The following ZNF354B variants were observed in gnomAD, a reference collection of about 807,000 sequenced individuals.
ZNF354B encodes zinc finger protein 354B.
Under a neutral mutation model 12.9 loss-of-function variants are expected in ZNF354B, and 10 were observed. The ratio of observed to expected loss-of-function variants is 0.77; its 90% CI spans 0.48 to 1.31. ZNF354B has a LOEUF of 1.31. Among genes scored for constraint, ZNF354B ranks in the 40% most tolerant of loss-of-function variants. The probability of loss-of-function intolerance (pLI) is 0.00; values close to 1 mark genes in which losing one functional copy is unlikely to be tolerated. For synonymous variants in ZNF354B, 260 were observed against 243.7 expected, an observed-to-expected ratio of 1.07 and a Z score of -0.62; for missense variants, 614 against 711.7, an observed-to-expected ratio of 0.86 and a Z score of 1.56.
At position 178,861,277 on chromosome 5, in the gene ZNF354B, AGTTT is replaced by A. The variant is rs201080241; in HGVS notation, c.33+201_33+204del. Among the ~76,000 whole-genome samples, 968 of 150,796 alleles carry A rather than the reference AGTTT, an allele frequency of 6.4e-3. 12 individuals are homozygous for A. Among genetic ancestry groups the A allele is most frequent in the African/African-American group, 0.023 (932 of 40,984 alleles). On this transcript the variant is annotated intron_variant, in intron 2 of 4. Coordinates refer to ENST00000322434, the MANE Select transcript of ZNF354B (RefSeq NM_058230.3). ...CCGTGTCTAGTGGTTTTTAATTAACAGTTTGTTCACGAATCTTCATCCATTGTGT... is the reference window on the plus strand; with the variant it reads ...CCGTGTCTAGTGGTTTTTAATTAACAGTTCACGAATCTTCATCCATTGTGT...
intron 4 of ZNF354B, among the ~76,000 whole-genome samples, chr5:178,875,935 A>G (rs1757630754): frequency 6.6e-6 from 1 of 151,798 alleles, no homozygotes; most frequent in Admixed American, 6.6e-5. Context: ...CAGGGGAGGG[A>G]CGGCTGTTCT....
At chr5:178,863,628 C>G (rs934056933) in intron 2 of ZNF354B, among the ~76,000 whole-genome samples, 1 of 152,304 alleles carries the variant, frequency 6.6e-6, no homozygotes, top group Non-Finnish European at 1.5e-5. Flanking sequence ...TTTACAGTGT[C>G]TTCCTTTTGC....
At chr5:178,867,406 G>C (rs2114011483) in intron 4 of ZNF354B, among the ~76,000 whole-genome samples, 1 of 152,328 alleles carries the variant, frequency 6.6e-6, no homozygotes, top group East Asian at 1.9e-4. Context: ...GGTGAGGAAG[G>C]AAATAGCCTA....
chr5:178,866,389 T>C lies in ZNF354B; in HGVS notation c.160+19T>C, dbSNP rs1428365454. 1.9e-6 allele frequency: 3 copies of C among 1,600,346 alleles called. No homozygotes were observed. Among genetic ancestry groups the C allele is most frequent in the Non-Finnish European group, 2.6e-6 (3 of 1,173,548 alleles). On this transcript the variant is annotated intron_variant, in intron 3 of 4. Coordinates refer to ENST00000322434, the MANE Select transcript of ZNF354B (RefSeq NM_058230.3). The stretch of plus-strand genomic sequence containing the variant: ...TCACTGGGTAAGGAAATTTCCCCTC[T>C]AGAAACAGAATTCAAAAATTGGGAT...
Position 178,866,232 on chromosome 5 carries a change from T to C in ZNF354B, c.34-12T>C. The C allele has an allele frequency of 6.2e-7, 1 of 1,613,810 alleles. No homozygotes were observed. Among genetic ancestry groups the C allele is most frequent in the Non-Finnish European group, 8.5e-7 (1 of 1,179,846 alleles). On this transcript the variant is annotated splice_polypyrimidine_tract_variant and intron_variant, in intron 2 of 4. Coordinates refer to ENST00000322434, the MANE Select transcript of ZNF354B (RefSeq NM_058230.3). ...GTGGTCCTGGGTGAGCTGGAACGAC[T>C]TGTCCTTACAGGTGTCACTGACATT...
chr5:178,884,540 A>G lies in ZNF354B; in HGVS notation c.*249A>G, dbSNP rs572833440. 5 of 358,078 alleles carry G rather than the reference A, an allele frequency of 1.4e-5. No homozygotes were observed. The highest frequency in any genetic ancestry group is 8.4e-5 in the African/African-American group (4 of 47,734). The allele number at this position is 358,078 out of a possible 1,614,324, so 22.2% of individuals were successfully genotyped here. ...AAAGGTATGTTTATAAAATCTCTTT[A>G]TATAATATATGCTATCTATGACATG... On this transcript the variant is annotated 3_prime_UTR_variant, in exon 5 of 5. Coordinates refer to ENST00000322434, the MANE Select transcript of ZNF354B (RefSeq NM_058230.3).
chr5:178,862,627 C>G (rs918929712), intron 2 of ZNF354B, among the ~76,000 whole-genome samples: 1 of 152,200 alleles, frequency 6.6e-6, no homozygotes, highest in Non-Finnish European at 1.5e-5. Context: ...CACAGCCTCC[C>G]GGAGTGCTGG....
chr5:178,867,397 G>A (rs1757479547), intron 4 of ZNF354B, among the ~76,000 whole-genome samples: 1 of 152,244 alleles, frequency 6.6e-6, no homozygotes, highest in Non-Finnish European at 1.5e-5. Context: ...AAAGGAGGAG[G>A]TGAGGAAGGA....
In ZNF354B at chr5:178,882,809, CA is replaced by C; in HGVS notation, c.358del (p.Ile120TyrfsTer12). 6.2e-7 allele frequency: 1 copy of C among 1,604,148 alleles called. No homozygotes were observed. The highest frequency in any genetic ancestry group is 1.7e-5 in the Admixed American group (1 of 57,428). On this transcript the variant is annotated frameshift_variant, in exon 5 of 5. Coordinates refer to ENST00000322434, the MANE Select transcript of ZNF354B (RefSeq NM_058230.3). LOFTEE classifies it low-confidence loss of function (END_TRUNC). ...RLKRDEPWNF[I>X]SERSCIYEEK... Reference sequence around the variant, plus strand: ...TGAAAAGGGATGAACCCTGGAACTTCATATCAGAAAGATCCTGCATATATGA... The same window carrying C: ...TGAAAAGGGATGAACCCTGGAACTTCTATCAGAAAGATCCTGCATATATGA...
In ZNF354B at chr5:178,883,657, G is replaced by A. The variant is rs773975037; in HGVS notation, c.1205G>A (p.Arg402Lys). The A allele has an allele frequency of 6.5e-5, 105 of 1,613,912 alleles. No individual in the cohort carries two copies. Among genetic ancestry groups the A allele is most frequent in the Non-Finnish European group, 8.4e-5 (99 of 1,179,952 alleles). The change falls in exon 5 of 5, where the codon AGA becomes AAA. Residue 402 changes from arginine (R) to lysine (K), a missense_variant. Transcript: ENST00000322434. Reference protein sequence around the residue: ...SQSASLIQHERIHTGEKPYRC... With the variant: ...SQSASLIQHEKIHTGEKPYRC... ...AGTGCCTCTCTTATTCAACATGAAA[G>A]AATTCACACCGGAGAAAAGCCCTAT...
At chr5:178,866,906 T>C (rs1430400854) in intron 3 of ZNF354B, 70 bp from the exon 4 acceptor site, 2 of 1,468,278 alleles carry the variant, frequency 1.4e-6, no homozygotes, top group African/African-American at 2.8e-5. Context: ...GTTACCCTAA[T>C]AATCAAGGGA....
chr5:178,870,845 A>G (rs1307039184), intron 4 of ZNF354B, among the ~76,000 whole-genome samples: 1 of 151,852 alleles, frequency 6.6e-6, no homozygotes, highest in Non-Finnish European at 1.5e-5. Flanking sequence ...TTTTGTAGAG[A>G]TGGAGGTCTT....
chr5:178,884,025 T>C lies in ZNF354B; in HGVS notation c.1573T>C (p.Leu525=). 6.2e-7 allele frequency: 1 copy of C among 1,613,392 alleles called. No homozygotes were observed. Among genetic ancestry groups the C allele is most frequent in the South Asian group, 1.1e-5 (1 of 91,070 alleles). ...IHTGEKPYRC[L]ECGMSFGQSA... is the part of the protein sequence containing the mutation. ...TACTGGAGAGAAACCATATCGATGT[T>C]TAGAATGTGGGATGTCTTTTGGCCA... The change falls in exon 5 of 5, where the codon TTA becomes CTA. Residue 525 remains leucine (L), a synonymous_variant. Transcript: ENST00000322434.
intron 4 of ZNF354B, among the ~76,000 whole-genome samples, chr5:178,872,379 C>G (rs796766554): frequency 3.9e-5 from 6 of 152,200 alleles, no homozygotes; most frequent in African/African-American, 1.4e-4. Context: ...GTTTGTATAG[C>G]CATTCCCTTG....
At chr5:178,862,612 C>G (rs1757377024) in intron 2 of ZNF354B, among the ~76,000 whole-genome samples, 1 of 152,180 alleles carries the variant, frequency 6.6e-6, no homozygotes, top group Non-Finnish European at 1.5e-5. Flanking sequence ...TCGTGATCCA[C>G]CAGCCACAGC....
intron 4 of ZNF354B, among the ~76,000 whole-genome samples, chr5:178,881,688 C>T (rs1757720247): frequency 6.6e-6 from 1 of 152,034 alleles, no homozygotes; most frequent in East Asian, 1.9e-4. Flanking sequence ...GATGGAGTCT[C>T]GCTCTGTCAC....
intron 4 of ZNF354B, among the ~76,000 whole-genome samples, chr5:178,878,256 G>A (rs905323001): frequency 1.1e-4 from 16 of 151,914 alleles, no homozygotes; most frequent in Non-Finnish European, 1.9e-4. Context: ...AGTGGCGGGC[G>A]CCTGTAGTCT....
Position 178,883,297 on chromosome 5 carries a change from G to A in ZNF354B, c.845G>A (p.Ser282Asn), listed in dbSNP as rs1320584701. The change falls in exon 5 of 5, where the codon AGT (serine) becomes AAT (asparagine). Residue 282 changes from serine (S) to asparagine (N), a missense_variant. Transcript: ENST00000322434. ...GAATGTGGGAAAGCCTTCAGCCATAGTGCATCCCTTTGTAAGCATTTAAGG... is the reference window on the plus strand; with the variant it reads ...GAATGTGGGAAAGCCTTCAGCCATAATGCATCCCTTTGTAAGCATTTAAGG... ...CKECGKAFSH[S>N]ASLCKHLRTH... The A allele has an allele frequency of 6.2e-7, 1 of 1,613,772 alleles. No individual in the cohort carries two copies. Among genetic ancestry groups the A allele is most frequent in the East Asian group, 2.2e-5 (1 of 44,870 alleles).
intron 4 of ZNF354B, among the ~76,000 whole-genome samples, chr5:178,873,556 G>A (rs1268772598): frequency 6.6e-6 from 1 of 151,786 alleles, no homozygotes; most frequent in African/African-American, 2.4e-5. Flanking sequence ...GGAGTTCTTT[G>A]GTGCCTTTGT....
Sources: gnomAD v4.1 joint callset for allele counts (sites outside exome capture counted in the v4.1 genomes callset) on GRCh38, gnomAD v4.1.1 for gene constraint, MANE v1.5 for transcripts, NCBI Gene and HGNC (gene_info 2026-07-23, HGNC 2026-07-21) for gene names.